Variants in HDAC9 observed in about 807,000 individuals in gnomAD.
HDAC9 encodes histone deacetylase 9.
HDAC9 carries 41 observed loss-of-function variants against 139.4 expected under a neutral mutation model. The ratio of observed to expected loss-of-function variants is 0.29; its 90% CI spans 0.23 to 0.38. The LOEUF is 0.38. Among genes scored for constraint, HDAC9 ranks in the 10% least tolerant of loss-of-function variants. The probability of loss-of-function intolerance (pLI) is 1.00; values close to 1 mark genes in which losing one functional copy is unlikely to be tolerated. For synonymous variants in HDAC9, 517 were observed against 476.2 expected, an observed-to-expected ratio of 1.09 and a Z score of -1.12; for missense variants, 1,147 against 1,297.0, an observed-to-expected ratio of 0.88 and a Z score of 1.78.
chr7:18,397,130 G>A (rs1787137018), intron 1 of HDAC9, among the ~76,000 whole-genome samples: 1 of 152,042 alleles, frequency 6.6e-6, no homozygotes, highest in South Asian at 2.1e-4. Flanking sequence ...GGGATATAAT[G>A]GATGTGAATG....
chr7:18,785,674 T>C lies in HDAC9; in HGVS notation c.2215-7671T>C, dbSNP rs903158778. ...ATTTATTTAATTAGAAAACTCTTTA[T>C]GCATATATGATTAGAATCTGTTTTT... On this transcript the variant is annotated intron_variant, in intron 16 of 25. Coordinates refer to ENST00000686413, the MANE Select transcript of HDAC9 (RefSeq NM_178425.4). 3.3e-5 allele frequency among the ~76,000 whole-genome samples: 5 copies of C among 152,344 alleles called. No homozygotes were observed. In the East Asian group the frequency reaches 9.6e-4, roughly 29 times the overall value.
intron 1 of HDAC9, among the ~76,000 whole-genome samples, chr7:18,404,524 A>G (rs754293394): frequency 1.4e-4 from 22 of 152,232 alleles, no homozygotes; most frequent in Non-Finnish European, 2.8e-4. Context: ...CTAGGCAGGT[A>G]TATAATATAA....
At chr7:18,763,287 A>T (rs1437612691) in intron 15 of HDAC9, among the ~76,000 whole-genome samples, 1 of 152,218 alleles carries the variant, frequency 6.6e-6, no homozygotes, top group Non-Finnish European at 1.5e-5. Context: ...ATAACACAAT[A>T]TACCTTTTTA....
intron 1 of HDAC9, among the ~76,000 whole-genome samples, chr7:18,410,018 CA>C (rs1306792358): frequency 1.3e-5 from 2 of 150,420 alleles, no homozygotes; most frequent in African/African-American, 5.0e-5. Context: ...TTTCTTTACC[CA>C]TTTTTTTTTG....
At chr7:18,778,458 A>AGGCTCTAAT (rs1200393792) in intron 16 of HDAC9, among the ~76,000 whole-genome samples, 2 of 152,152 alleles carry the variant, frequency 1.3e-5, no homozygotes, top group African/African-American at 4.8e-5. Context: ...TGTAGGAATG[A>AGGCTCTAAT]GGCTCTAATG....
intron 2 of HDAC9, among the ~76,000 whole-genome samples, chr7:18,559,435 A>G (rs182132173): frequency 9.9e-5 from 15 of 152,246 alleles, no homozygotes; most frequent in East Asian, 3.9e-4. Context: ...AAACATATCA[A>G]TCTCTCTAAA....
At chr7:18,174,577 T>C (rs1788727219) in intron 2 of HDAC9, among the ~76,000 whole-genome samples, 1 of 152,182 alleles carries the variant, frequency 6.6e-6, no homozygotes, top group Admixed American at 6.5e-5. Context: ...TTTCTCCCTA[T>C]CTTTGTGGTT....
At chr7:18,507,272 G>A (rs1800079112) in intron 2 of HDAC9, among the ~76,000 whole-genome samples, 1 of 150,196 alleles carries the variant, frequency 6.7e-6, no homozygotes, top group Non-Finnish European at 1.5e-5. Context: ...CTCACTGCAA[G>A]CTCCACCTCC....
chr7:18,156,341 G>A (rs1787199927), intron 1 of HDAC9, among the ~76,000 whole-genome samples: 1 of 152,152 alleles, frequency 6.6e-6, no homozygotes, highest in African/African-American at 2.4e-5. Context: ...GGGGATGTCT[G>A]GTGTCTTCCC....
At chr7:18,289,878 A>G (rs1423600906), upstream of HDAC9, among the ~76,000 whole-genome samples, 1 of 152,102 alleles carries the variant, frequency 6.6e-6, no homozygotes, top group African/African-American at 2.4e-5. Flanking sequence ...TCCCTCATTC[A>G]GAGGGACACA....
intron 11 of HDAC9, among the ~76,000 whole-genome samples, chr7:18,652,133 A>G (rs1402361112): frequency 3.3e-5 from 5 of 152,114 alleles, no homozygotes; most frequent in South Asian, 4.2e-4. Flanking sequence ...TTTTTGTGCA[A>G]TGATGTCATT....
At chr7:18,775,105 C>A (rs549510018) in intron 16 of HDAC9, among the ~76,000 whole-genome samples, 1 of 151,882 alleles carries the variant, frequency 6.6e-6, no homozygotes, top group Non-Finnish European at 1.5e-5. Context: ...AGAAGTCACA[C>A]ACGATATTTA....
At chr7:18,701,131 G>T (rs1013261112) in intron 12 of HDAC9, among the ~76,000 whole-genome samples, 1 of 146,412 alleles carries the variant, frequency 6.8e-6, no homozygotes, top group African/African-American at 2.6e-5. Flanking sequence ...CAATAAACCT[G>T]AATACATAGA....
At chr7:18,590,954 G>C (rs972132906) in intron 4 of HDAC9, among the ~76,000 whole-genome samples, 1 of 152,180 alleles carries the variant, frequency 6.6e-6, no homozygotes, top group Non-Finnish European at 1.5e-5. Context: ...GAGGGAGACA[G>C]ATCCAAATAA....
intron 12 of HDAC9, among the ~76,000 whole-genome samples, chr7:18,725,308 C>A (rs183048413): frequency 6.6e-6 from 1 of 152,156 alleles, no homozygotes; most frequent in African/African-American, 2.4e-5. Context: ...TTGCACAGGG[C>A]CCCTGAAAGT....
chr7:18,278,354 CGCTTTGAATGGAGT>C (rs1796881924), intron 2 of HDAC9, among the ~76,000 whole-genome samples: 2 of 152,228 alleles, frequency 1.3e-5, no homozygotes, highest in East Asian at 3.9e-4. Context: ...CAAAAACATA[CGCTTTGAATGGAGT>C]GCTTTATTAA....
In HDAC9 at chr7:18,244,452, A is replaced by G. The variant is rs548837464; in HGVS notation, c.25+82103A>G. Among the ~76,000 whole-genome samples, 9 of 152,340 alleles carry G rather than the reference A, an allele frequency of 5.9e-5. No homozygotes were observed. In the East Asian group the frequency reaches 1.7e-3, roughly 29 times the overall value. ...ATGGAAGGGACTGTAATTATAACAG[A>G]CAAATGGCATATTGTCCTTGACTTC... On this transcript the variant is annotated intron_variant, in intron 2 of 12. Transcript: ENST00000417496.
intron 1 of HDAC9, among the ~76,000 whole-genome samples, chr7:18,320,552 G>A (rs1799954945): frequency 6.6e-6 from 1 of 152,118 alleles, no homozygotes; most frequent in Admixed American, 6.5e-5. Context: ...GCAAACTTGG[G>A]ATTTACTCTT....
At chr7:18,969,833 T>C (rs972762255) in intron 24 of HDAC9, among the ~76,000 whole-genome samples, 1 of 152,156 alleles carries the variant, frequency 6.6e-6, no homozygotes, top group Non-Finnish European at 1.5e-5. Flanking sequence ...AACGAAAACT[T>C]TTTGACATTT....
Sources: gnomAD v4.1 joint callset for allele counts (sites outside exome capture counted in the v4.1 genomes callset) on GRCh38, gnomAD v4.1.1 for gene constraint, MANE v1.5 for transcripts, NCBI Gene and HGNC (gene_info 2026-07-23, HGNC 2026-07-21) for gene names.